The following PRKAG3 variants were observed in gnomAD, a reference collection of about 807,000 sequenced individuals.
The protein encoded by PRKAG3 is 5'-AMP-activated protein kinase subunit gamma-3.
Under a neutral mutation model 56.5 loss-of-function variants are expected in PRKAG3, and 39 were observed. That is an observed-to-expected ratio of 0.69 (90% CI 0.53 to 0.90). The LOEUF (loss-of-function observed/expected upper bound fraction) is 0.90. PRKAG3 is among the 40% of genes least tolerant of loss of function. PRKAG3 has a pLI of 0.00. For missense variants in PRKAG3, 628 were observed against 627.5 expected (o/e 1.00, Z -0.01); for synonymous variants, 243 against 250.1 (o/e 0.97, Z 0.27).
chr2:218,828,241 C>T (rs1214435988), intron 5 of PRKAG3, among the ~76,000 whole-genome samples, 179 bp from the exon 6 acceptor site: 1 of 152,162 alleles, frequency 6.6e-6, no homozygotes. Flanking sequence ...TCTCCTGCCT[C>T]CCCCCATTTG....
At chr2:218,822,366 T>A (rs1181352705), downstream of PRKAG3, 2 of 152,232 alleles carry the variant, frequency 1.3e-5, no homozygotes, top group African/African-American at 2.4e-5. Context: ...GAAATTTCAG[T>A]AGAATAGCGC....
rs533396651 is a variant in PRKAG3, at chr2:218,827,924, C to T, written c.775-46G>A. On this transcript the variant is annotated intron_variant, in intron 6 of 12. Transcript: ENST00000529249. This position sits in a 1 kb window ranked among gnomAD's most constrained non-coding sequence, Gnocchi z 5.3. Reference sequence around the variant, plus strand: ...CCAGAAGTCAGAAAGACGTGGGCTTCTAGGGCACCAGGCTCCAGGAGGACT... The same window carrying T: ...CCAGAAGTCAGAAAGACGTGGGCTTTTAGGGCACCAGGCTCCAGGAGGACT... 1.9e-6 allele frequency: 3 copies of T among 1,612,354 alleles called. No individual in the cohort carries two copies. Among genetic ancestry groups the T allele is most frequent in the Admixed American group, 3.3e-5 (2 of 59,866 alleles).
chr2:218,824,339 G>A, exon 12 of PRKAG3: 1 of 1,614,130 alleles, frequency 6.2e-7, no homozygotes, highest in Non-Finnish European at 8.5e-7. Context: ...TCATGTCCAG[G>A]TGGTTGTAGG....
intron 10 of PRKAG3, among the ~76,000 whole-genome samples, chr2:218,825,121 G>A (rs112936289): frequency 0.028 from 4,310 of 152,176 alleles, 208 homozygotes; most frequent in African/African-American, 0.096. Context: ...TGGATCACAA[G>A]GTCAGGAGTT....
chr2:218,823,343 T>G (rs1943881990), exon 13 of PRKAG3: 1 of 277,698 alleles, frequency 3.6e-6, no homozygotes, highest in African/African-American at 2.2e-5. Flanking sequence ...TGCTTCCTTC[T>G]AAGGGGATTT....
chr2:218,828,707 C>T, intron 4 of PRKAG3, 107 bp from the exon 5 acceptor site: 8 of 953,324 alleles, frequency 8.4e-6, no homozygotes, highest in Non-Finnish European at 1.2e-5. Context: ...CTCCCTGTCC[C>T]ACCCAGGGTT....
At chr2:218,829,577 C>T (rs191867172) in intron 4 of PRKAG3, among the ~76,000 whole-genome samples, 9 of 152,128 alleles carry the variant, frequency 5.9e-5, no homozygotes, top group Admixed American at 4.6e-4. Context: ...TTGCCCACCT[C>T]GACCTCCTAA....
chr2:218,831,771 G>A (rs1944024715), exon 1 of PRKAG3: 1 of 1,610,136 alleles, frequency 6.2e-7, no homozygotes, highest in South Asian at 1.1e-5. Context: ...CGGGCTCCAT[G>A]TGGCCAGCCC....
chr2:218,827,802 C>T lies in PRKAG3; in HGVS notation c.820+31G>A. ...TTAAGCCCTGGCCCACCATCACCAA[C>T]AGCCCTTTCCGGGTTCCTCTCCCCA... On this transcript the variant is annotated intron_variant, in intron 7 of 12. Transcript: ENST00000529249. The surrounding 1 kb of genome is among the most constrained non-coding windows in gnomAD (Gnocchi z 5.3). The T allele has an allele frequency of 6.9e-7, 1 of 1,439,450 alleles. No individual in the cohort carries two copies. Among genetic ancestry groups the T allele is most frequent in the South Asian group, 1.2e-5 (1 of 85,510 alleles). The allele number at this position is 1,439,450 out of a possible 1,614,324, so 89.2% of individuals were successfully genotyped here.
exon 4 of PRKAG3, chr2:218,830,003 A>G (rs1249232120): frequency 2.5e-6 from 4 of 1,613,854 alleles, no homozygotes; most frequent in Non-Finnish European, 3.4e-6. Context: ...GAAGATGACT[A>G]GCTTGGAGCT....
rs1575211600 is a variant in PRKAG3 at position 218,827,161 on chromosome 2, C to A, written c.1003-68G>T. On this transcript the variant is annotated intron_variant, in intron 9 of 12. Coordinates refer to ENST00000529249, the Ensembl canonical transcript of PRKAG3. The surrounding 1 kb of genome is among the most constrained non-coding windows in gnomAD (Gnocchi z 5.3). ...CTTCAAGAGGGCTCCCAGCTCTTCCCCACGACTGCTAGGGCTGAAGACTCC... is the reference window on the plus strand; with the variant it reads ...CTTCAAGAGGGCTCCCAGCTCTTCCACACGACTGCTAGGGCTGAAGACTCC... 6.2e-7 allele frequency: 1 copy of A among 1,612,958 alleles called. No homozygotes were observed. Among genetic ancestry groups the A allele is most frequent in the East Asian group, 2.2e-5 (1 of 44,884 alleles).
Position 218,827,945 on chromosome 2 carries a change from G to T in PRKAG3, c.774+59C>A. ...GCTTCTAGGGCACCAGGCTCCAGGAGGACTCCCCTCCGCCCCCGCCCCTCT... is the reference window on the plus strand; with the variant it reads ...GCTTCTAGGGCACCAGGCTCCAGGATGACTCCCCTCCGCCCCCGCCCCTCT... On this transcript the variant is annotated intron_variant, in intron 6 of 12. Coordinates refer to ENST00000529249, the Ensembl canonical transcript of PRKAG3. This position sits in a 1 kb window ranked among gnomAD's most constrained non-coding sequence, Gnocchi z 5.3. The T allele has an allele frequency of 2.5e-6, 4 of 1,607,944 alleles. No individual in the cohort carries two copies. Among genetic ancestry groups the T allele is most frequent in the Non-Finnish European group, 3.4e-6 (4 of 1,176,418 alleles).
intron 10 of PRKAG3, chr2:218,826,596 C>T: frequency 2.7e-6 from 1 of 365,126 alleles, no homozygotes; most frequent in Admixed American, 3.7e-5. Context: ...AGCCATGCAC[C>T]ACGTGTCCGG....
intron 10 of PRKAG3, 51 bp downstream of exon 10, chr2:218,826,877 G>T (rs753813639): frequency 1.8e-5 from 29 of 1,607,168 alleles, no homozygotes; most frequent in Middle Eastern, 1.9e-4. Flanking sequence ...TCCCCACCAG[G>T]TTCTCCCAGG....
intron 4 of PRKAG3, 31 bp downstream of exon 4, chr2:218,829,947 G>A: frequency 6.9e-6 from 11 of 1,604,834 alleles, no homozygotes; most frequent in Non-Finnish European, 9.3e-6. Flanking sequence ...GATGGAGAGT[G>A]AGTACAGGTT....
chr2:218,823,080 TG>T, downstream of PRKAG3: 1 of 948,856 alleles, frequency 1.1e-6, no homozygotes, highest in Non-Finnish European at 1.3e-6. Context: ...AAGAAGCCTG[TG>T]GGGAAAAGAA....
exon 12 of PRKAG3, chr2:218,824,229 C>T (rs560737590): frequency 2.2e-5 from 36 of 1,614,040 alleles, no homozygotes; most frequent in African/African-American, 1.1e-4. Context: ...TACCTGCTCC[C>T]GAGCAATCCT....
intron 2 of PRKAG3, 84 bp from the exon 3 acceptor site, chr2:218,830,985 T>TG: frequency 6.7e-7 from 1 of 1,491,130 alleles, no homozygotes. Context: ...CTTTAGGATT[T>TG]GCAAGCTTCC....
Position 218,827,823 on chromosome 2 carries a change from C to G in PRKAG3, c.820+10G>C. 1 of 1,613,704 alleles carries G rather than the reference C, an allele frequency of 6.2e-7. No homozygotes were observed. Among genetic ancestry groups the G allele is most frequent in the Non-Finnish European group, 8.5e-7 (1 of 1,179,680 alleles). ...CCAACAGCCCTTTCCGGGTTCCTCT[C>G]CCCACTCACCCCTCCAGGTCTCAAT... On this transcript the variant is annotated intron_variant, in intron 7 of 12. Coordinates refer to ENST00000529249, the Ensembl canonical transcript of PRKAG3. This position sits in a 1 kb window ranked among gnomAD's most constrained non-coding sequence, Gnocchi z 5.3.
Sources: allele counts gnomAD v4.1 joint callset (sites outside exome capture counted in the v4.1 genomes callset), GRCh38; gene constraint gnomAD v4.1.1; non-coding constraint Gnocchi (gnomAD v3.1); transcripts MANE v1.5; gene names NCBI Gene and HGNC (gene_info 2026-07-23, HGNC 2026-07-21).